DRC8: variants seen among roughly 807,000 people sequenced by gnomAD.
The protein encoded by DRC8 is dynein regulatory complex subunit 8.
chr1:245,054,496 G>T, the DRC8 span, among the ~76,000 whole-genome samples: 2 of 151,812 alleles, frequency 1.3e-5, 1 homozygote, highest in South Asian at 4.2e-4. Context: ...TACCTCCCTC[G>T]ACCTCTCAGC....
chr1:245,011,345 C>T, the DRC8 span, among the ~76,000 whole-genome samples: 4 of 152,102 alleles, frequency 2.6e-5, no homozygotes, highest in South Asian at 2.1e-4. Flanking sequence ...TTTATTCACA[C>T]GGAAGTACTT....
the DRC8 span, among the ~76,000 whole-genome samples, chr1:244,972,731 T>C: frequency 0.68 from 102,503 of 150,908 alleles, 36,195 homozygotes; most frequent in East Asian, 1. Context: ...ACAGGAGAAT[T>C]GCTTGAACCG....
the DRC8 span, chr1:245,125,152 C>A: frequency 2.6e-5 from 4 of 152,246 alleles, no homozygotes; most frequent in African/African-American, 9.6e-5. Flanking sequence ...GTGCTGTTTT[C>A]ACTTTTTGGC....
chr1:245,020,587 A>G, the DRC8 span, among the ~76,000 whole-genome samples: 4 of 140,874 alleles, frequency 2.8e-5, no homozygotes. Flanking sequence ...CACTGTTTCC[A>G]CAAGTATATA....
At chr1:245,102,111 A>G in the DRC8 span, among the ~76,000 whole-genome samples, 2 of 152,204 alleles carry the variant, frequency 1.3e-5, no homozygotes, top group Admixed American at 1.3e-4. Context: ...GTGCACAGAC[A>G]CACAACTCAC....
At chr1:245,062,261 A>T in the DRC8 span, among the ~76,000 whole-genome samples, 1 of 152,312 alleles carries the variant, frequency 6.6e-6, no homozygotes, top group African/African-American at 2.4e-5. Flanking sequence ...AATTTCAAAT[A>T]TGGTGTTTCT....
At chr1:244,970,532 G>C in the DRC8 span, 1 of 1,473,332 alleles carries the variant, frequency 6.8e-7, no homozygotes, top group South Asian at 1.3e-5. Context: ...GTGGGCCCTC[G>C]TCCATCTGGA....
chr1:245,104,009 G>T, the DRC8 span, among the ~76,000 whole-genome samples: 1 of 152,182 alleles, frequency 6.6e-6, no homozygotes, highest in African/African-American at 2.4e-5. Context: ...CAATGACTGG[G>T]TGGTTCAAAC....
the DRC8 span, among the ~76,000 whole-genome samples, chr1:245,049,691 C>T: frequency 2.6e-5 from 4 of 152,200 alleles, no homozygotes; most frequent in Non-Finnish European, 5.9e-5. This position sits in a 1 kb window ranked among gnomAD's most constrained non-coding sequence, Gnocchi z 4.5. Context: ...GATCTACGGT[C>T]AAAGCTCCCG....
chr1:245,109,006 G>C, the DRC8 span, among the ~76,000 whole-genome samples: 1 of 152,178 alleles, frequency 6.6e-6, no homozygotes, highest in Non-Finnish European at 1.5e-5. Flanking sequence ...GGAAACAATA[G>C]TATGTGAGTA....
chr1:245,100,490 C>A, the DRC8 span, among the ~76,000 whole-genome samples: 1 of 151,704 alleles, frequency 6.6e-6, no homozygotes, highest in South Asian at 2.1e-4. Context: ...TAAAAAAATA[C>A]TATACAGAGG....
At chr1:245,027,665 A>G in the DRC8 span, among the ~76,000 whole-genome samples, 1 of 152,196 alleles carries the variant, frequency 6.6e-6, no homozygotes, top group East Asian at 1.9e-4. Context: ...AATTCTGTCT[A>G]CGTTTTCTCT....
the DRC8 span, among the ~76,000 whole-genome samples, chr1:244,971,262 A>G: frequency 4.6e-3 from 693 of 151,394 alleles, 8 homozygotes; most frequent in African/African-American, 0.013. Flanking sequence ...AAAAACCAAA[A>G]CCTGGTTGAG....
At chr1:245,044,960 A>C in the DRC8 span, among the ~76,000 whole-genome samples, 1 of 152,000 alleles carries the variant, frequency 6.6e-6, no homozygotes, top group Non-Finnish European at 1.5e-5. Flanking sequence ...AAATTCTTTA[A>C]TAATTTTAAT....
At chr1:245,070,890 G>A in the DRC8 span, among the ~76,000 whole-genome samples, 2 of 152,208 alleles carry the variant, frequency 1.3e-5, no homozygotes, top group Non-Finnish European at 2.9e-5. Context: ...TGTTATAAAA[G>A]GGCTGGAGAG....
chr1:245,085,552 G>A, the DRC8 span, among the ~76,000 whole-genome samples: 1 of 152,198 alleles, frequency 6.6e-6, no homozygotes, highest in East Asian at 1.9e-4. Context: ...AGAGGGTAAT[G>A]TTGGCAAACA....
At chr1:245,090,350 T>A in the DRC8 span, among the ~76,000 whole-genome samples, 8 of 152,316 alleles carry the variant, frequency 5.3e-5, no homozygotes, top group African/African-American at 1.9e-4. Flanking sequence ...TGAGTGATAA[T>A]ATGTTTCCCT....
At chr1:245,045,695 G>A in the DRC8 span, among the ~76,000 whole-genome samples, 1 of 152,066 alleles carries the variant, frequency 6.6e-6, no homozygotes, top group Non-Finnish European at 1.5e-5. Context: ...AGAGGCTAGG[G>A]TGAAGTTACA....
chr1:245,035,624 T>C, the DRC8 span, among the ~76,000 whole-genome samples: 29 of 152,216 alleles, frequency 1.9e-4, no homozygotes, highest in African/African-American at 7.0e-4. Flanking sequence ...TCCAGCACTT[T>C]GGGAGGCCAA....
Sources: allele counts gnomAD v4.1 joint callset (sites outside exome capture counted in the v4.1 genomes callset), GRCh38; gene constraint gnomAD v4.1.1; non-coding constraint Gnocchi (gnomAD v3.1); transcripts MANE v1.5; gene names NCBI Gene and HGNC (gene_info 2026-07-23, HGNC 2026-07-21).